The following CRPPA variants were observed in gnomAD, a reference collection of about 807,000 sequenced individuals.
CRPPA encodes the protein D-ribitol-5-phosphate cytidylyltransferase.
In CRPPA, 43 loss-of-function variants were observed where a neutral mutation model predicts 52.0. The ratio of observed to expected loss-of-function variants is 0.83; its 90% CI spans 0.65 to 1.07. CRPPA has a LOEUF of 1.07. Ranked by LOEUF, CRPPA falls within the 50% of genes least tolerant of loss-of-function variation. The pLI, the probability that CRPPA is intolerant of heterozygous loss-of-function variation, is 0.00. For missense variants in CRPPA, 629 were observed against 551.7 expected, an observed-to-expected ratio of 1.14 and a Z score of -1.40; for synonymous variants, 250 against 203.5, an observed-to-expected ratio of 1.23 and a Z score of -1.94.
At chr7:16,280,282 G>A (rs1328187205) in intron 5 of CRPPA, among the ~76,000 whole-genome samples, 2 of 152,206 alleles carry the variant, frequency 1.3e-5, no homozygotes, top group Non-Finnish European at 2.9e-5. Context: ...GGACACTAGA[G>A]TGTCCTAGGA....
At chr7:16,309,480 G>A (rs1486426103) in intron 3 of CRPPA, among the ~76,000 whole-genome samples, 6 of 152,296 alleles carry the variant, frequency 3.9e-5, no homozygotes, top group African/African-American at 1.4e-4. Context: ...GACGGCATCA[G>A]GAAGGCCTAT....
chr7:16,327,931 T>C (rs1473315681), intron 3 of CRPPA, among the ~76,000 whole-genome samples: 3 of 152,128 alleles, frequency 2.0e-5, no homozygotes, highest in African/African-American at 7.2e-5. Flanking sequence ...AGCTAGAACA[T>C]AGTCACCACC....
intron 3 of CRPPA, among the ~76,000 whole-genome samples, chr7:16,352,202 G>A (rs1027019609): frequency 1.3e-5 from 2 of 151,774 alleles, no homozygotes; most frequent in Non-Finnish European, 2.9e-5. Flanking sequence ...TCATAAGTGG[G>A]AGTTGAACAA....
rs184130849 is a variant in CRPPA at position 16,335,206 on chromosome 7, G to C, written c.685-26579C>G. Reference sequence around the variant, plus strand: ...AAAAAGAATAAAAAAAAAAGAGTCAGGTGTAGTGGTATGCACTATGGTCCC... The same window carrying C: ...AAAAAGAATAAAAAAAAAAGAGTCACGTGTAGTGGTATGCACTATGGTCCC... On this transcript the variant is annotated intron_variant, in intron 3 of 9. Coordinates refer to ENST00000407010, the MANE Select transcript of CRPPA (RefSeq NM_001101426.4). Among the ~76,000 whole-genome samples the C allele has an allele frequency of 5.6e-4, 84 of 150,574 alleles. 1 individual carries two copies. Among genetic ancestry groups the C allele is most frequent in the African/African-American group, 2.0e-3 (83 of 41,010 alleles).
chr7:16,355,170 G>A (rs1786262557), intron 3 of CRPPA, among the ~76,000 whole-genome samples: 1 of 152,114 alleles, frequency 6.6e-6, no homozygotes, highest in East Asian at 1.9e-4. Context: ...AACTTATCTT[G>A]TTTTTGCCAT....
chr7:16,236,883 T>C (rs1203057942), intron 8 of CRPPA, among the ~76,000 whole-genome samples: 1 of 152,064 alleles, frequency 6.6e-6, no homozygotes, highest in Non-Finnish European at 1.5e-5. Context: ...TAAAATTCAA[T>C]ATTAAGAAAG....
intron 3 of CRPPA, among the ~76,000 whole-genome samples, chr7:16,355,973 T>C (rs753439623): frequency 1.3e-5 from 2 of 152,122 alleles, no homozygotes. Flanking sequence ...TGATCGGTGA[T>C]AGTAGTGACA....
chr7:16,154,981 T>C (rs1783149403), intron 9 of CRPPA, among the ~76,000 whole-genome samples: 1 of 150,908 alleles, frequency 6.6e-6, no homozygotes, highest in Admixed American at 6.6e-5. Flanking sequence ...TTCTTTTTTT[T>C]TTTTTTTTTG....
chr7:16,418,109 T>C (rs1187415129), intron 1 of CRPPA, among the ~76,000 whole-genome samples: 1 of 152,214 alleles, frequency 6.6e-6, no homozygotes. Context: ...CAACAGTCTG[T>C]AGGGCTGATC....
At chr7:16,156,714 C>T (rs1226354182) in intron 9 of CRPPA, among the ~76,000 whole-genome samples, 1 of 152,260 alleles carries the variant, frequency 6.6e-6, no homozygotes, top group South Asian at 2.1e-4. Flanking sequence ...GGCAAGAAAT[C>T]CAGTCTTCAT....
chr7:16,123,049 T>G (rs1782508238), intron 9 of CRPPA, among the ~76,000 whole-genome samples: 1 of 152,044 alleles, frequency 6.6e-6, no homozygotes, highest in Admixed American at 6.6e-5. Flanking sequence ...CTAGGCACAT[T>G]TTAGGTATGA....
chr7:16,143,512 G>A (rs926864115), intron 9 of CRPPA, among the ~76,000 whole-genome samples: 1 of 152,170 alleles, frequency 6.6e-6, no homozygotes, highest in Non-Finnish European at 1.5e-5. Flanking sequence ...GTCACTGCCT[G>A]TACAACTGCT....
At chr7:16,373,004 G>C (rs1220214205) in intron 3 of CRPPA, among the ~76,000 whole-genome samples, 8 of 152,170 alleles carry the variant, frequency 5.3e-5, no homozygotes, top group African/African-American at 1.7e-4. Context: ...TCAATAGAGA[G>C]TGGAAATAAG....
At chr7:16,353,829 G>A (rs1193525198) in intron 3 of CRPPA, among the ~76,000 whole-genome samples, 1 of 149,290 alleles carries the variant, frequency 6.7e-6, no homozygotes, top group African/African-American at 2.5e-5. Flanking sequence ...CAGCCTGGAT[G>A]ACAAAGTGAG....
intron 9 of CRPPA, among the ~76,000 whole-genome samples, chr7:16,135,996 G>C (rs1782755740): frequency 6.6e-6 from 1 of 152,098 alleles, no homozygotes; most frequent in African/African-American, 2.4e-5. Context: ...CAAAAGTAGA[G>C]AGCCATGTTG....
chr7:16,156,897 G>C (rs1468541526), intron 9 of CRPPA, among the ~76,000 whole-genome samples: 2 of 152,110 alleles, frequency 1.3e-5, no homozygotes, highest in Non-Finnish European at 2.9e-5. Context: ...AGCAACCCCA[G>C]GAAATTTTTG....
rs111321436 is a variant in CRPPA, at chr7:16,388,424, T to A, written c.535-12183A>T. ...CAGCCCTTTGAGGAAAATGTATAAC[T>A]GTAAATGCCTATATAAAAAGATTCT... is the stretch of plus-strand genomic sequence containing the variant. On this transcript the variant is annotated intron_variant, in intron 2 of 9. Transcript: ENST00000407010. 6.9e-3 allele frequency among the ~76,000 whole-genome samples: 1,045 copies of A among 152,300 alleles called. 12 individuals are homozygous for A. Among genetic ancestry groups the A allele is most frequent in the African/African-American group, 0.024 (1,012 of 41,558 alleles).
chr7:16,326,816 G>A (rs554126932), intron 3 of CRPPA, among the ~76,000 whole-genome samples: 1 of 152,174 alleles, frequency 6.6e-6, no homozygotes, highest in East Asian at 1.9e-4. Context: ...TAGCAAAAAG[G>A]TACAACAAAC....
chr7:16,096,533 ACAC>A (rs1781937646), intron 9 of CRPPA, among the ~76,000 whole-genome samples: 1 of 152,166 alleles, frequency 6.6e-6, no homozygotes, highest in African/African-American at 2.4e-5. Context: ...GCAGAGCAGA[ACAC>A]AGTACAAGCA....
Sources: allele counts gnomAD v4.1 joint callset (sites outside exome capture counted in the v4.1 genomes callset), GRCh38; gene constraint gnomAD v4.1.1; transcripts MANE v1.5; gene names NCBI Gene and HGNC (gene_info 2026-07-23, HGNC 2026-07-21).